ST7: variants seen among roughly 807,000 people sequenced by gnomAD.
ST7 encodes the protein suppressor of tumorigenicity 7 protein.
A neutral mutation model predicts 78.7 loss-of-function variants in ST7; 28 were observed. The observed-to-expected ratio is 0.36, with a 90% CI of 0.26 to 0.49. The LOEUF (loss-of-function observed/expected upper bound fraction) is 0.49, where lower values mean the gene tolerates loss of function less well. ST7 is among the 20% of genes least tolerant of loss of function. The probability of loss-of-function intolerance (pLI) is 0.99; values close to 1 mark genes in which losing one functional copy is unlikely to be tolerated. For synonymous variants in ST7, 247 were observed against 249.6 expected, an observed-to-expected ratio of 0.99 and a Z score of 0.10; for missense variants, 418 against 696.0, an observed-to-expected ratio of 0.60 and a Z score of 4.49.
intron 13 of ST7, 129 bp from the exon 14 acceptor site, chr7:117,218,955 G>T (rs1336030548): frequency 1.7e-5 from 11 of 659,462 alleles, no homozygotes; most frequent in Non-Finnish European, 2.9e-5. Context: ...CACATAGCTT[G>T]GTGGGGTAAG....
At chr7:117,195,667 G>A (rs1209946745) in intron 12 of ST7, among the ~76,000 whole-genome samples, 1 of 152,130 alleles carries the variant, frequency 6.6e-6, no homozygotes, top group Admixed American at 6.5e-5. Flanking sequence ...AAAACCATCA[G>A]ATCTTGTGAA....
At chr7:117,044,948 T>A (rs1797420226) in intron 1 of ST7, among the ~76,000 whole-genome samples, 1 of 152,154 alleles carries the variant, frequency 6.6e-6, no homozygotes, top group Non-Finnish European at 1.5e-5. Context: ...CCCCTACTAC[T>A]CACCCAGTCA....
intron 1 of ST7, among the ~76,000 whole-genome samples, chr7:116,971,974 C>T (rs1793448466): frequency 6.6e-6 from 1 of 152,138 alleles, no homozygotes; most frequent in African/African-American, 2.4e-5. Flanking sequence ...AGCCTCTAGC[C>T]CAGCTGGAAT....
intron 1 of ST7, among the ~76,000 whole-genome samples, chr7:117,009,984 A>C (rs1795323567): frequency 6.6e-6 from 1 of 152,198 alleles, no homozygotes; most frequent in Non-Finnish European, 1.5e-5. Context: ...GTGTATCCAG[A>C]AAGAGCCCTT....
chr7:117,189,284 C>T, intron 10 of ST7, 37 bp from the exon 11 acceptor site: 1 of 1,526,376 alleles, frequency 6.6e-7, no homozygotes, highest in Non-Finnish European at 9.0e-7. Flanking sequence ...TTGTTACCTG[C>T]AAACTTATGT....
At chr7:117,035,929 C>T (rs934331880) in intron 1 of ST7, among the ~76,000 whole-genome samples, 1 of 151,798 alleles carries the variant, frequency 6.6e-6, no homozygotes, top group African/African-American at 2.4e-5. Context: ...ATAATATGAA[C>T]GACCAGATGA....
chr7:116,998,144 G>T lies in ST7; in HGVS notation c.151+44453G>T, dbSNP rs183220731. On this transcript the variant is annotated intron_variant, in intron 1 of 15. Coordinates refer to ENST00000323984, the MANE Select transcript of ST7 (RefSeq NM_001369598.1). ...CTGCAGGTCCTGAGCCCTGCCCACTGGGGAGTCAGCTGAGGCCCAGCGAGA... is the reference window on the plus strand; with the variant it reads ...CTGCAGGTCCTGAGCCCTGCCCACTTGGGAGTCAGCTGAGGCCCAGCGAGA... Among the ~76,000 whole-genome samples, 60 of 152,332 alleles carry T rather than the reference G, an allele frequency of 3.9e-4. No homozygotes were observed. In the East Asian group the frequency reaches 8.9e-3, roughly 23 times the overall value.
intron 1 of ST7, among the ~76,000 whole-genome samples, chr7:117,002,182 C>T (rs1036414884): frequency 5.9e-5 from 9 of 152,020 alleles, no homozygotes; most frequent in Non-Finnish European, 7.4e-5. Flanking sequence ...GAGCCGAGGT[C>T]GCGCCACTGT....
intron 13 of ST7, among the ~76,000 whole-genome samples, chr7:117,212,659 T>G (rs541804482): frequency 2.0e-5 from 3 of 152,342 alleles, no homozygotes; most frequent in African/African-American, 7.2e-5. Flanking sequence ...TAAGCCTGTT[T>G]TAAGTGATTA....
intron 1 of ST7, among the ~76,000 whole-genome samples, chr7:117,014,593 C>T (rs1413672871): frequency 6.6e-6 from 1 of 152,142 alleles, no homozygotes; most frequent in East Asian, 1.9e-4. Context: ...ACGCTGATTC[C>T]TTTCAGGTTA....
chr7:117,055,615 A>C (rs1172111974), intron 1 of ST7, among the ~76,000 whole-genome samples: 1 of 152,022 alleles, frequency 6.6e-6, no homozygotes, highest in Non-Finnish European at 1.5e-5. Context: ...CAACCACTAC[A>C]CTCTGACCTT....
intron 5 of ST7, among the ~76,000 whole-genome samples, chr7:117,131,246 A>G (rs1281224007): frequency 6.6e-6 from 1 of 151,904 alleles, no homozygotes; most frequent in Non-Finnish European, 1.5e-5. Flanking sequence ...TTTATAAAAT[A>G]AATAAGGAGA....
At chr7:116,973,522 G>T (rs1793544538) in intron 1 of ST7, among the ~76,000 whole-genome samples, 1 of 152,214 alleles carries the variant, frequency 6.6e-6, no homozygotes, top group African/African-American at 2.4e-5. Flanking sequence ...CTCCCAAGGT[G>T]TTGGGATTAC....
chr7:117,125,352 G>GTGGTACAT (rs922032092), intron 3 of ST7, among the ~76,000 whole-genome samples: 5 of 152,058 alleles, frequency 3.3e-5, no homozygotes, highest in African/African-American at 1.2e-4. Context: ...CTTGAAGAAA[G>GTGGTACAT]TGGTACATTA....
chr7:117,078,873 G>A (rs983999741), intron 1 of ST7, among the ~76,000 whole-genome samples: 1 of 152,188 alleles, frequency 6.6e-6, no homozygotes, highest in African/African-American at 2.4e-5. Context: ...GACACTGAAG[G>A]TTGGAGGATA....
intron 2 of ST7, among the ~76,000 whole-genome samples, chr7:117,101,416 C>G (rs1168880460): frequency 6.6e-6 from 1 of 152,028 alleles, no homozygotes; most frequent in Non-Finnish European, 1.5e-5. Flanking sequence ...AGATGAGACT[C>G]TCACTAAGGG....
chr7:116,972,526 A>C, intron 1 of ST7: 23 of 1,062,448 alleles, frequency 2.2e-5, no homozygotes, highest in Non-Finnish European at 3.0e-5. Flanking sequence ...CTTATGAGCT[A>C]CCTCTTCATA....
chr7:117,048,019 G>T (rs567655603), intron 1 of ST7, among the ~76,000 whole-genome samples: 3 of 152,084 alleles, frequency 2.0e-5, no homozygotes, highest in African/African-American at 7.2e-5. Context: ...GTCAATCAAC[G>T]CATATTTTGT....
At chr7:117,146,171 A>C (rs983181078) in intron 9 of ST7, 1 of 152,224 alleles carries the variant, frequency 6.6e-6, no homozygotes, top group African/African-American at 2.4e-5. Context: ...ATTTATGCTC[A>C]TTGTGACAAG....
Sources: gnomAD v4.1 joint callset for allele counts (sites outside exome capture counted in the v4.1 genomes callset) on GRCh38, gnomAD v4.1.1 for gene constraint, MANE v1.5 for transcripts, NCBI Gene and HGNC (gene_info 2026-07-23, HGNC 2026-07-21) for gene names.